The following PTN variants were observed in gnomAD, a reference collection of about 807,000 sequenced individuals.
PTN encodes the protein heparin affin regulatory protein.
PTN carries 18 observed loss-of-function variants against 24.1 expected under a neutral mutation model. The observed-to-expected ratio is 0.75, with a 90% CI of 0.52 to 1.11. PTN has a LOEUF of 1.11. Among genes scored for constraint, PTN ranks in the 50% least tolerant of loss-of-function variants. PTN has a pLI of 0.00. For missense variants in PTN, 163 were observed against 198.8 expected, an observed-to-expected ratio of 0.82 and a Z score of 1.08; for synonymous variants, 78 against 68.6, an observed-to-expected ratio of 1.14 and a Z score of -0.67.
chr7:137,283,003 A>T (rs978067820), intron 1 of PTN, among the ~76,000 whole-genome samples: 32 of 152,216 alleles, frequency 2.1e-4, no homozygotes, highest in Admixed American at 3.3e-4. Flanking sequence ...TCTGTAATTT[A>T]GGTCGTGTGC....
At chr7:137,287,879 G>A (rs1809582021) in intron 1 of PTN, 1 of 152,054 alleles carries the variant, frequency 6.6e-6, no homozygotes. Flanking sequence ...CTTTAGTAAT[G>A]TTTTTTCCAG....
At position 137,250,793 on chromosome 7, in the gene PTN, A is replaced by G. The variant is rs117634119; in HGVS notation, c.451+437T>C. ...GAACCCATTAAGTTATGCAGTGAAT[A>G]AAGGGAAAATGTAAAATAATTTTCC... On this transcript the variant is annotated intron_variant, in intron 4 of 4. Coordinates refer to ENST00000348225, the MANE Select transcript of PTN (RefSeq NM_002825.7). Among the ~76,000 whole-genome samples the G allele has an allele frequency of 6.7e-3, 1,014 of 152,356 alleles. 6 individuals are homozygous for G. Among genetic ancestry groups the G allele is most frequent in the Non-Finnish European group, 0.011 (732 of 68,028 alleles).
At chr7:137,268,370 G>T (rs531691957) in intron 1 of PTN, among the ~76,000 whole-genome samples, 75 of 151,652 alleles carry the variant, frequency 4.9e-4, no homozygotes, top group African/African-American at 1.8e-3. Context: ...GACGAGCCGC[G>T]GACAGGAGAC....
At chr7:137,304,057 G>T (rs17169064) in intron 1 of PTN, among the ~76,000 whole-genome samples, 25,531 of 151,864 alleles carry the variant, frequency 0.17, 2,266 homozygotes, top group Non-Finnish European at 0.2. Flanking sequence ...TCCAACCCTT[G>T]GGAAGATATG....
At chr7:137,272,567 T>C (rs1031649144) in intron 1 of PTN, among the ~76,000 whole-genome samples, 5 of 152,198 alleles carry the variant, frequency 3.3e-5, no homozygotes, top group Admixed American at 1.3e-4. Context: ...ATTGATTCCA[T>C]AAAATGTGGC....
At chr7:137,278,951 TAATAA>T (rs936180265) in intron 1 of PTN, among the ~76,000 whole-genome samples, 2 of 132,776 alleles carry the variant, frequency 1.5e-5, no homozygotes, top group Non-Finnish European at 3.2e-5. Context: ...AGAACAATAA[TAATAA>T]TAATAATAAT....
chr7:137,317,046 T>G (rs777482842), intron 1 of PTN, among the ~76,000 whole-genome samples: 2 of 152,166 alleles, frequency 1.3e-5, no homozygotes, highest in African/African-American at 2.4e-5. Context: ...TCTCCCCTAC[T>G]CTCTCATTTC....
chr7:137,338,995 T>A (rs367776658), intron 1 of PTN, among the ~76,000 whole-genome samples: 1 of 151,478 alleles, frequency 6.6e-6, no homozygotes, highest in African/African-American at 2.4e-5. Flanking sequence ...AACTGAAATA[T>A]TTGGAAATAA....
intron 4 of PTN, among the ~76,000 whole-genome samples, chr7:137,247,226 T>G (rs1808739032): frequency 6.6e-6 from 1 of 152,198 alleles, no homozygotes; most frequent in Admixed American, 6.5e-5. Context: ...CTATGTTTGT[T>G]GCAGCACTGT....
At chr7:137,251,107 G>C in intron 4 of PTN, 123 bp downstream of exon 4, 1 of 1,137,362 alleles carries the variant, frequency 8.8e-7, no homozygotes, top group East Asian at 2.4e-5. Flanking sequence ...CAGTGTAGGG[G>C]AGTTTTTCAG....
intron 1 of PTN, among the ~76,000 whole-genome samples, chr7:137,329,094 A>T (rs1810308656): frequency 6.6e-6 from 1 of 152,128 alleles, no homozygotes; most frequent in South Asian, 2.1e-4. Flanking sequence ...TACTTCTGAG[A>T]TACATTTCCC....
In PTN at chr7:137,262,686, GTGAT is replaced by G. The variant is rs375305815; in HGVS notation, c.-1-7716_-1-7713del. 5.9e-5 allele frequency among the ~76,000 whole-genome samples: 9 copies of G among 152,250 alleles called. No homozygotes were observed. In the East Asian group the frequency reaches 1.5e-3, roughly 26 times the overall value. ...CTAAGGGGGTCCACATGAGAGGGTC[GTGAT>G]TGATTGAGCAAGCCAGGGGGTATGT... On this transcript the variant is annotated intron_variant, in intron 1 of 4. Coordinates refer to ENST00000348225, the MANE Select transcript of PTN (RefSeq NM_002825.7).
intron 1 of PTN, among the ~76,000 whole-genome samples, chr7:137,282,645 G>A (rs772496939): frequency 2.6e-5 from 4 of 152,126 alleles, no homozygotes; most frequent in Non-Finnish European, 4.4e-5. Context: ...AATTAATAAT[G>A]TGATTAAAAA....
intron 1 of PTN, among the ~76,000 whole-genome samples, chr7:137,287,974 G>C (rs571025358): frequency 4.6e-5 from 7 of 152,254 alleles, no homozygotes; most frequent in African/African-American, 1.7e-4. Context: ...ACTAAGCAAA[G>C]CTAATTTTAT....
chr7:137,282,807 G>A (rs1451318134), intron 1 of PTN, among the ~76,000 whole-genome samples: 2 of 152,196 alleles, frequency 1.3e-5, no homozygotes, highest in African/African-American at 4.8e-5. Context: ...ATTAGTTGGA[G>A]GCAAATAATT....
At chr7:137,329,043 C>A (rs1235512300) in intron 1 of PTN, among the ~76,000 whole-genome samples, 1 of 151,928 alleles carries the variant, frequency 6.6e-6, no homozygotes, top group Non-Finnish European at 1.5e-5. Context: ...TGGACTACAC[C>A]CTCAGTTCTA....
chr7:137,338,663 A>C (rs1396749665), intron 1 of PTN, among the ~76,000 whole-genome samples: 4 of 152,176 alleles, frequency 2.6e-5, no homozygotes, highest in Non-Finnish European at 5.9e-5. Flanking sequence ...AGCTGCTTGA[A>C]GACATATTTA....
At chr7:137,329,850 C>G (rs565999106) in intron 1 of PTN, among the ~76,000 whole-genome samples, 12 of 152,130 alleles carry the variant, frequency 7.9e-5, no homozygotes, top group Non-Finnish European at 1.5e-4. Flanking sequence ...GACCTAGACA[C>G]AATCGTAGGA....
intron 4 of PTN, among the ~76,000 whole-genome samples, chr7:137,230,333 C>A (rs1808406015): frequency 6.6e-6 from 1 of 151,768 alleles, no homozygotes; most frequent in Admixed American, 6.6e-5. Flanking sequence ...CCTTAATTGA[C>A]AACTTGCTAA....
Sources: gnomAD v4.1 joint callset for allele counts (sites outside exome capture counted in the v4.1 genomes callset) on GRCh38, gnomAD v4.1.1 for gene constraint, MANE v1.5 for transcripts, NCBI Gene and HGNC (gene_info 2026-07-23, HGNC 2026-07-21) for gene names.